The following WDR25 variants were observed in gnomAD, a reference collection of about 807,000 sequenced individuals.
WDR25 encodes the protein WD repeat domain 25, also known as WD repeat-containing protein 25.
In WDR25, 35 loss-of-function variants were observed where a neutral mutation model predicts 47.7. That is an observed-to-expected ratio of 0.73 (90% CI 0.56 to 0.97). The LOEUF is 0.97. Among genes scored for constraint, WDR25 ranks in the 50% least tolerant of loss-of-function variants. WDR25 has a pLI of 0.00. For missense variants in WDR25, 634 were observed against 704.7 expected, an observed-to-expected ratio of 0.90 and a Z score of 1.14; for synonymous variants, 248 against 278.9, an observed-to-expected ratio of 0.89 and a Z score of 1.10.
chr14:100,421,714 G>T (rs569080645), intron 2 of WDR25, among the ~76,000 whole-genome samples: 17 of 152,100 alleles, frequency 1.1e-4, no homozygotes, highest in Non-Finnish European at 1.5e-5. Context: ...ACGTTGGTGG[G>T]CATGCTTTTA....
At chr14:100,479,112 T>A (rs1566929864) in intron 3 of WDR25, among the ~76,000 whole-genome samples, 1 of 151,850 alleles carries the variant, frequency 6.6e-6, no homozygotes, top group Non-Finnish European at 1.5e-5. Flanking sequence ...GTGTCCTCCT[T>A]TTCTGTCTAG....
intron 2 of WDR25, among the ~76,000 whole-genome samples, chr14:100,400,403 C>T (rs1393015269): frequency 1.3e-5 from 2 of 152,228 alleles, no homozygotes; most frequent in African/African-American, 4.8e-5. Flanking sequence ...GGGTTTGACT[C>T]AGGCCCAGCT....
At chr14:100,520,203 C>T (rs1197310154) in intron 4 of WDR25, among the ~76,000 whole-genome samples, 6 of 151,286 alleles carry the variant, frequency 4.0e-5, no homozygotes. Context: ...TTCCACACTC[C>T]TTCTGTGGAC....
intron 4 of WDR25, among the ~76,000 whole-genome samples, chr14:100,494,978 A>AAAAC (rs762461864): frequency 8.1e-4 from 123 of 152,186 alleles, no homozygotes; most frequent in Non-Finnish European, 2.4e-4. Context: ...TGACTCTACA[A>AAAAC]AAACAAACAA....
chr14:100,455,788 C>G (rs1192319133), intron 2 of WDR25, among the ~76,000 whole-genome samples: 1 of 152,180 alleles, frequency 6.6e-6, no homozygotes, highest in Non-Finnish European at 1.5e-5. Flanking sequence ...CTTTAAAGTT[C>G]ATACTTATAG....
intron 2 of WDR25, among the ~76,000 whole-genome samples, chr14:100,461,354 C>T (rs1355390504): frequency 6.6e-6 from 1 of 152,146 alleles, no homozygotes; most frequent in East Asian, 1.9e-4. Context: ...GAGAAATCAA[C>T]AATCTGAAAA....
chr14:100,475,885 AAT>A (rs558268005), intron 3 of WDR25, among the ~76,000 whole-genome samples: 17 of 150,546 alleles, frequency 1.1e-4, no homozygotes, highest in East Asian at 3.9e-4. Flanking sequence ...TGTACCCCCA[AAT>A]ATATATATAT....
intron 2 of WDR25, among the ~76,000 whole-genome samples, chr14:100,405,830 C>A (rs879352994): frequency 2.0e-5 from 3 of 152,142 alleles, no homozygotes; most frequent in Non-Finnish European, 4.4e-5. Flanking sequence ...TTAAGAAACG[C>A]CACTCCCGAG....
Position 100,498,319 on chromosome 14 carries a change from C to T in WDR25, c.1101+14195C>T, listed in dbSNP as rs949181312. 1.3e-5 allele frequency among the ~76,000 whole-genome samples: 2 copies of T among 152,222 alleles called. No individual in the cohort carries two copies. The highest frequency in any genetic ancestry group is 4.8e-5 in the African/African-American group (2 of 41,456). On this transcript the variant is annotated intron_variant, in intron 4 of 6. Transcript: ENST00000402312. The surrounding 1 kb of genome is among the most constrained non-coding windows in gnomAD (Gnocchi z 4.2). ...ACTGAGGGCCACGTTCCGTAACAAG[C>T]GGGCCATTGCCACGCCCAGTTCAGA... is the stretch of plus-strand genomic sequence containing the variant.
chr14:100,396,456 G>T (rs73361408), intron 2 of WDR25, among the ~76,000 whole-genome samples: 3,517 of 152,304 alleles, frequency 0.023, 144 homozygotes, highest in African/African-American at 0.081. Flanking sequence ...AAAAGGAGAA[G>T]GAAGCCTGTC....
At chr14:100,501,090 C>T (rs1300550405) in intron 4 of WDR25, among the ~76,000 whole-genome samples, 2 of 152,226 alleles carry the variant, frequency 1.3e-5, no homozygotes, top group Non-Finnish European at 1.5e-5. Flanking sequence ...CAGAGGGGTC[C>T]GGCTTGAATG....
At chr14:100,479,640 T>C (rs1208569060) in intron 3 of WDR25, among the ~76,000 whole-genome samples, 3 of 152,208 alleles carry the variant, frequency 2.0e-5, no homozygotes, top group South Asian at 2.1e-4. Flanking sequence ...TAAAAAGTTA[T>C]CTTACTACCC....
chr14:100,433,112 T>C (rs1898391731), intron 2 of WDR25, among the ~76,000 whole-genome samples: 1 of 152,284 alleles, frequency 6.6e-6, no homozygotes, highest in African/African-American at 2.4e-5. Context: ...TTATCTACTG[T>C]ACATACCTTA....
chr14:100,415,469 C>T (rs769515645), intron 2 of WDR25, among the ~76,000 whole-genome samples: 3 of 152,170 alleles, frequency 2.0e-5, no homozygotes, highest in Non-Finnish European at 4.4e-5. Context: ...AGCTGATTTG[C>T]TCTGGCCTGT....
At chr14:100,431,959 C>G (rs1177926836) in intron 2 of WDR25, among the ~76,000 whole-genome samples, 1 of 152,248 alleles carries the variant, frequency 6.6e-6, no homozygotes, top group Non-Finnish European at 1.5e-5. Flanking sequence ...ATCCACCCGC[C>G]TCAGCCTCCC....
At chr14:100,382,846 G>A (rs546083440) in intron 2 of WDR25, among the ~76,000 whole-genome samples, 29 of 152,286 alleles carry the variant, frequency 1.9e-4, no homozygotes, top group African/African-American at 6.5e-4. Context: ...GGAGTCTAGT[G>A]TCTCATTTGT....
At chr14:100,454,259 A>T (rs531023512) in intron 2 of WDR25, among the ~76,000 whole-genome samples, 1 of 152,178 alleles carries the variant, frequency 6.6e-6, no homozygotes, top group African/African-American at 2.4e-5. Context: ...TCACCCACAG[A>T]ATAAATACTC....
intron 2 of WDR25, among the ~76,000 whole-genome samples, chr14:100,410,468 A>T (rs1052175145): frequency 6.6e-6 from 1 of 152,184 alleles, no homozygotes; most frequent in African/African-American, 2.4e-5. Context: ...CTAATAAATC[A>T]GTTAATTAAC....
At chr14:100,453,829 A>G (rs1393153414) in intron 2 of WDR25, among the ~76,000 whole-genome samples, 3 of 152,244 alleles carry the variant, frequency 2.0e-5, no homozygotes, top group Non-Finnish European at 2.9e-5. Context: ...TTGCTTTAAG[A>G]AAACTCTTCT....
Sources: allele counts gnomAD v4.1 joint callset (sites outside exome capture counted in the v4.1 genomes callset), GRCh38; gene constraint gnomAD v4.1.1; non-coding constraint Gnocchi (gnomAD v3.1); transcripts MANE v1.5; gene names NCBI Gene and HGNC (gene_info 2026-07-23, HGNC 2026-07-21).